Variants in OSBPL1A observed in about 807,000 individuals in gnomAD.
OSBPL1A encodes oxysterol binding protein like 1A.
A neutral mutation model predicts 137.1 loss-of-function variants in OSBPL1A; 80 were observed. The observed-to-expected ratio is 0.58, with a 90% CI of 0.49 to 0.70. The LOEUF (loss-of-function observed/expected upper bound fraction) is 0.70, where lower values mean the gene tolerates loss of function less well. Ranked by LOEUF, OSBPL1A falls within the 30% of genes least tolerant of loss-of-function variation. The pLI is 0.00. For missense variants in OSBPL1A, 970 were observed against 1,129.4 expected, an observed-to-expected ratio of 0.86 and a Z score of 2.02; for synonymous variants, 365 against 389.7, an observed-to-expected ratio of 0.94 and a Z score of 0.75.
At chr18:24,209,100 A>T (rs992560947) in intron 17 of OSBPL1A, among the ~76,000 whole-genome samples, 1 of 152,238 alleles carries the variant, frequency 6.6e-6, no homozygotes, top group African/African-American at 2.4e-5. Flanking sequence ...GTTCAAACAA[A>T]GAAGAAATTA....
chr18:24,181,557 C>A (rs1240240065), intron 18 of OSBPL1A, among the ~76,000 whole-genome samples: 1 of 152,216 alleles, frequency 6.6e-6, no homozygotes, highest in African/African-American at 2.4e-5. Context: ...GCAGATGACT[C>A]TTCATCAGTC....
chr18:24,285,281 A>C (rs897636574), intron 14 of OSBPL1A, among the ~76,000 whole-genome samples: 3 of 152,240 alleles, frequency 2.0e-5, no homozygotes, highest in Admixed American at 2.0e-4. Context: ...TAAGGAAACT[A>C]ATAAAATATC....
intron 15 of OSBPL1A, among the ~76,000 whole-genome samples, chr18:24,256,582 A>G (rs72884853): frequency 0.039 from 5,904 of 152,284 alleles, 254 homozygotes; most frequent in East Asian, 0.21. Flanking sequence ...TTTCACCACT[A>G]TTATACAACA....
At chr18:24,174,776 T>A (rs566855355) in intron 21 of OSBPL1A, among the ~76,000 whole-genome samples, 17 of 152,160 alleles carry the variant, frequency 1.1e-4, no homozygotes, top group African/African-American at 3.6e-4. Context: ...TTTAAATTTT[T>A]ATTTATTTTT....
intron 20 of OSBPL1A, 74 bp downstream of exon 20, chr18:24,179,664 G>T: frequency 8.0e-7 from 1 of 1,243,076 alleles, no homozygotes; most frequent in Non-Finnish European, 1.2e-6. Context: ...ATTGTTATTC[G>T]TGATGACCAA....
At position 24,167,348 on chromosome 18, in the gene OSBPL1A, C is replaced by T. The variant is rs2086168863; in HGVS notation, c.2516G>A (p.Arg839Gln). 3.7e-6 allele frequency: 6 copies of T among 1,614,102 alleles called. No homozygotes were observed. Among genetic ancestry groups the T allele is most frequent in the East Asian group, 4.5e-5 (2 of 44,872 alleles). ...TCTCACCTGGGCAGAATTTGGAGGC[C>T]GTGGGGCTATTCGCCATAGAAGAAC... ...GSVLLWRIAP[R>Q]PPNSAQMYNF... Residue 839 changes from arginine (R) to glutamine (Q), a missense_variant, in exon 25 of 28, where the codon CGG becomes CAG. Transcript: ENST00000319481.
At chr18:24,362,952 C>T (rs1303191706) in intron 4 of OSBPL1A, among the ~76,000 whole-genome samples, 1 of 152,218 alleles carries the variant, frequency 6.6e-6, no homozygotes, top group Non-Finnish European at 1.5e-5. Context: ...TAGTCCTCCC[C>T]ACCTCCCCAA....
chr18:24,379,947 CT>C (rs1343921058), intron 1 of OSBPL1A, among the ~76,000 whole-genome samples: 1 of 152,132 alleles, frequency 6.6e-6, no homozygotes, highest in Non-Finnish European at 1.5e-5. Flanking sequence ...GATTTCTGAT[CT>C]ACAGACAAAA....
chr18:24,253,827 T>G (rs1220248473), intron 15 of OSBPL1A, among the ~76,000 whole-genome samples: 1 of 152,174 alleles, frequency 6.6e-6, no homozygotes, highest in Non-Finnish European at 1.5e-5. Flanking sequence ...AATGCTGATG[T>G]TATCCCCAGG....
intron 14 of OSBPL1A, among the ~76,000 whole-genome samples, chr18:24,293,116 A>G (rs1452352493): frequency 6.9e-6 from 1 of 145,326 alleles, no homozygotes; most frequent in East Asian, 1.9e-4. Flanking sequence ...AAAAAAAAAA[A>G]AAAAAAAAAA....
intron 5 of OSBPL1A, among the ~76,000 whole-genome samples, chr18:24,336,533 AAAG>A (rs2091178023): frequency 6.6e-6 from 1 of 152,218 alleles, no homozygotes; most frequent in African/African-American, 2.4e-5. Flanking sequence ...AAATCGTTCT[AAAG>A]GAGCTATACA....
At chr18:24,287,740 C>G (rs895535074) in intron 14 of OSBPL1A, among the ~76,000 whole-genome samples, 9 of 143,664 alleles carry the variant, frequency 6.3e-5, no homozygotes, top group African/African-American at 2.3e-4. Context: ...CCACTGCACT[C>G]CAGCCTGGGC....
At chr18:24,252,008 C>T (rs2089112670) in intron 15 of OSBPL1A, among the ~76,000 whole-genome samples, 1 of 151,906 alleles carries the variant, frequency 6.6e-6, no homozygotes, top group Non-Finnish European at 1.5e-5. Flanking sequence ...TGAAGACAGG[C>T]TACTTAAAAA....
In OSBPL1A at chr18:24,397,664, C is replaced by G. The variant is rs1463688336; in HGVS notation, c.-12G>C. The stretch of plus-strand genomic sequence containing the variant: ...GCCGCGAGAAACTGACCTACGCGGT[C>G]ACCCGGGCTCCCAGAGCTCCCGAGG... On this transcript the variant is annotated 5_prime_UTR_variant, in exon 1 of 28. Transcript: ENST00000319481. 6.6e-6 allele frequency: 1 copy of G among 152,268 alleles called. No individual in the cohort carries two copies. Among genetic ancestry groups the G allele is most frequent in the Admixed American group, 6.5e-5 (1 of 15,290 alleles). 9.4% of individuals were successfully genotyped at this position (152,268 alleles called of 1,614,324 possible).
chr18:24,275,682 G>A (rs1487660513), intron 15 of OSBPL1A, among the ~76,000 whole-genome samples: 1 of 151,712 alleles, frequency 6.6e-6, no homozygotes, highest in Non-Finnish European at 1.5e-5. Context: ...CGGTTCCAAT[G>A]TAGGGTCTGA....
intron 18 of OSBPL1A, among the ~76,000 whole-genome samples, chr18:24,192,599 C>T (rs1229242966): frequency 6.6e-6 from 1 of 152,144 alleles, no homozygotes; most frequent in Non-Finnish European, 1.5e-5. Flanking sequence ...ATCAAAGTGG[C>T]TAAATGCTAT....
intron 15 of OSBPL1A, among the ~76,000 whole-genome samples, chr18:24,261,214 C>T (rs1337502914): frequency 6.6e-6 from 1 of 152,018 alleles, no homozygotes; most frequent in African/African-American, 2.4e-5. Context: ...CTGCCAATGT[C>T]TAGTGATAAA....
intron 4 of OSBPL1A, among the ~76,000 whole-genome samples, chr18:24,364,205 G>A (rs988765190): frequency 6.6e-6 from 1 of 152,196 alleles, no homozygotes; most frequent in Non-Finnish European, 1.5e-5. Flanking sequence ...AAGAACTGGA[G>A]TAGGAGTAGG....
chr18:24,247,028 T>C (rs1384388266), intron 15 of OSBPL1A, among the ~76,000 whole-genome samples: 1 of 152,124 alleles, frequency 6.6e-6, no homozygotes, highest in East Asian at 1.9e-4. Context: ...TAAATAAAAT[T>C]AAGTTTTTAA....
Sources: allele counts gnomAD v4.1 joint callset (sites outside exome capture counted in the v4.1 genomes callset), GRCh38; gene constraint gnomAD v4.1.1; transcripts MANE v1.5; gene names NCBI Gene and HGNC (gene_info 2026-07-23, HGNC 2026-07-21).